Variants in NOC3L observed in about 807,000 individuals in gnomAD.
The protein encoded by NOC3L is NOC3 like DNA replication regulator.
Under a neutral mutation model 102.5 loss-of-function variants are expected in NOC3L, and 85 were observed. The ratio of observed to expected loss-of-function variants is 0.83; its 90% CI spans 0.70 to 0.99. NOC3L has a LOEUF of 0.99. NOC3L is among the 50% of genes least tolerant of loss of function. The pLI is 0.00. For synonymous variants in NOC3L, 303 were observed against 309.4 expected (o/e 0.98, Z 0.22); for missense variants, 878 against 914.9 (o/e 0.96, Z 0.52).
At chr10:94,352,252 T>C in intron 8 of NOC3L, 58 bp downstream of exon 8, 1 of 1,175,278 alleles carries the variant, frequency 8.5e-7, no homozygotes, top group South Asian at 1.3e-5. Context: ...CTGTACAGAA[T>C]TCACCTTCAT....
the NOC3L span, chr10:94,316,582 C>T: frequency 6.2e-7 from 1 of 1,608,852 alleles, no homozygotes; most frequent in Non-Finnish European, 8.5e-7. Context: ...AACCTGTTAC[C>T]ACAGACTATT....
the NOC3L span, among the ~76,000 whole-genome samples, chr10:94,319,960 C>T: frequency 6.7e-6 from 1 of 149,200 alleles, no homozygotes; most frequent in African/African-American, 2.5e-5. Context: ...AATTCCGCCT[C>T]CCGGGTTCAC....
chr10:94,354,906 A>C lies in NOC3L; in HGVS notation c.696+57T>G, dbSNP rs1333031196. The C allele has an allele frequency of 2.6e-6, 4 of 1,540,992 alleles. No individual in the cohort carries two copies. In the Admixed American group the frequency reaches 7.3e-5, roughly 28 times the overall value. ...TATAGGTAACAAGGGAATCTTAACA[A>C]TTAGGCATTTACACCATACCTAATA... is the stretch of plus-strand genomic sequence containing the variant. On this transcript the variant is annotated intron_variant, in intron 6 of 20. Coordinates refer to ENST00000371361, the MANE Select transcript of NOC3L (RefSeq NM_022451.11).
At chr10:94,354,035 A>C (rs2054453574) in intron 6 of NOC3L, among the ~76,000 whole-genome samples, 1 of 152,188 alleles carries the variant, frequency 6.6e-6, no homozygotes, top group Non-Finnish European at 1.5e-5. Context: ...TCAATTTTCC[A>C]GCTGTAAAAT....
In NOC3L at chr10:94,343,526, A is replaced by G. The variant is rs770565327; in HGVS notation, c.1571+889T>C. Among the ~76,000 whole-genome samples the G allele has an allele frequency of 4.5e-4, 69 of 152,342 alleles. No homozygotes were observed. In the Middle Eastern group the frequency reaches 0.01, roughly 23 times the overall value. ...TTGCCAAATAGCTCCAGTTATTAGA[A>G]AGTAATTTCTTATGATAAACAGAAC... is the stretch of plus-strand genomic sequence containing the variant. On this transcript the variant is annotated intron_variant, in intron 13 of 20. Transcript: ENST00000371361.
At position 94,341,623 on chromosome 10, in the gene NOC3L, A is replaced by G; in HGVS notation, c.1644+50T>C. ...CTCAATAAACCTGAAAAATTTTTAA[A>G]ATAGTAATTACCATTTATATCTTTT... On this transcript the variant is annotated intron_variant, in intron 14 of 20. Transcript: ENST00000371361. The G allele has an allele frequency of 3.0e-6, 3 of 998,488 alleles. No individual in the cohort carries two copies. In the South Asian group the frequency reaches 6.1e-5, roughly 20 times the overall value. 61.9% of individuals were successfully genotyped at this position (998,488 alleles called of 1,614,324 possible).
At chr10:94,315,491 TTGG>T in the NOC3L span, 1 of 455,944 alleles carries the variant, frequency 2.2e-6, no homozygotes, top group South Asian at 1.5e-5. Context: ...AGAAAATACA[TTGG>T]TAAAACTATA....
At chr10:94,331,284 G>A (rs1168003158), downstream of NOC3L, 1 of 152,090 alleles carries the variant, frequency 6.6e-6, no homozygotes, top group Non-Finnish European at 1.5e-5. Flanking sequence ...TAATGAAAGT[G>A]GGCCCTCTAT....
intron 5 of NOC3L, among the ~76,000 whole-genome samples, chr10:94,355,925 GT>G (rs949758554): frequency 2.0e-5 from 3 of 152,100 alleles, no homozygotes; most frequent in African/African-American, 7.2e-5. Context: ...ATCTGTAATG[GT>G]TTTATGATGG....
Position 94,349,261 on chromosome 10 carries a change from C to T in NOC3L, c.1246G>A (p.Val416Ile), listed in dbSNP as rs748936341. 29 of 1,570,066 alleles carry T rather than the reference C, an allele frequency of 1.8e-5. No homozygotes were observed. The South Asian group carries it at 3.5e-4, about 19-fold the overall frequency. The change falls in exon 10 of 21, where the codon GTT becomes ATT. Residue 416 changes from valine to isoleucine, a missense_variant. Physicochemically the swap from Val to Ile is conservative, Grantham distance 29. Coordinates refer to ENST00000371361, the MANE Select transcript of NOC3L (RefSeq NM_022451.11). ...AAAAAAAGGCTCACCTCTGGCCTAA[C>T]TTCGTAATTTCTGCCCTTCACAAAA... ...SGFVKGRNYE[V>I]RPEMLKTFLC...
At chr10:94,326,775 T>C in the NOC3L span, among the ~76,000 whole-genome samples, 2 of 152,242 alleles carry the variant, frequency 1.3e-5, no homozygotes, top group African/African-American at 4.8e-5. Context: ...ATTTATTTTT[T>C]CTGACCAATG....
At chr10:94,322,199 G>C in the NOC3L span, 3 of 824,736 alleles carry the variant, frequency 3.6e-6, no homozygotes, top group South Asian at 4.3e-5. Flanking sequence ...GCCTCTTAAG[G>C]CTGGGAAATT....
intron 3 of NOC3L, 64 bp from the exon 4 acceptor site, chr10:94,357,395 T>C (rs2054501659): frequency 3.6e-6 from 5 of 1,374,926 alleles, no homozygotes; most frequent in Non-Finnish European, 3.8e-6. Flanking sequence ...TAGAGACCTA[T>C]CATTTCAAAA....
At chr10:94,316,353 G>A in the NOC3L span, among the ~76,000 whole-genome samples, 1 of 152,148 alleles carries the variant, frequency 6.6e-6, no homozygotes, top group Non-Finnish European at 1.5e-5. Context: ...AATAAGTTGT[G>A]CCGTTGCCCG....
chr10:94,357,534 A>G (rs1412977822), intron 3 of NOC3L: 1 of 383,346 alleles, frequency 2.6e-6, no homozygotes, highest in African/African-American at 2.1e-5. Context: ...TACCATACAA[A>G]CTCAAACTTT....
rs373549157 is a variant in NOC3L at position 94,352,884 on chromosome 10, A to G, written c.858+12T>C. The G allele has an allele frequency of 3.7e-6, 6 of 1,604,976 alleles. No homozygotes were observed. The African/African-American group carries it at 6.7e-5, about 18-fold the overall frequency. On this transcript the variant is annotated intron_variant, in intron 7 of 20. Transcript: ENST00000371361. ...TTTTAGATAGTAATTATATCTAGCAATCTAGCATTACCTTAGTAGATTTTT... is the reference window on the plus strand; with the variant it reads ...TTTTAGATAGTAATTATATCTAGCAGTCTAGCATTACCTTAGTAGATTTTT...
rs748072157 is a variant in NOC3L at position 94,340,273 on chromosome 10, T to A, written c.1780+3A>T. 13 of 1,594,650 alleles carry A rather than the reference T, an allele frequency of 8.2e-6. No individual in the cohort carries two copies. The Admixed American group carries it at 2.2e-4, about 27-fold the overall frequency. On this transcript the variant is annotated splice_donor_region_variant and intron_variant, in intron 16 of 20. Transcript: ENST00000371361. ...AAAAGAAACATTATCTAAACATACATACCTGCATGTAATTTGAACAGTGTT... is the reference window on the plus strand; with the variant it reads ...AAAAGAAACATTATCTAAACATACAAACCTGCATGTAATTTGAACAGTGTT...
intron 12 of NOC3L, 95 bp from the exon 13 acceptor site, chr10:94,344,610 C>G: frequency 1.2e-6 from 1 of 812,150 alleles, no homozygotes; most frequent in Admixed American, 2.5e-5. Flanking sequence ...AACTTTTTTC[C>G]CTACCCATCC....
downstream of NOC3L, chr10:94,332,287 T>C (rs1302534892): frequency 1.3e-5 from 2 of 152,212 alleles, no homozygotes; most frequent in Non-Finnish European, 2.9e-5. Flanking sequence ...TTGACACAAG[T>C]AATTCTAACA....
Sources: gnomAD v4.1 joint callset for allele counts (sites outside exome capture counted in the v4.1 genomes callset) on GRCh38, gnomAD v4.1.1 for gene constraint, MANE v1.5 for transcripts, NCBI Gene and HGNC (gene_info 2026-07-23, HGNC 2026-07-21) for gene names.